The following ATP1B3 variants were observed in gnomAD, a reference collection of about 807,000 sequenced individuals.
ATP1B3 encodes the protein ATPase Na+/K+ transporting subunit beta 3.
In ATP1B3, 10 loss-of-function variants were observed where a neutral mutation model predicts 30.2. The ratio of observed to expected loss-of-function variants is 0.33; its 90% CI spans 0.20 to 0.56. ATP1B3 has a LOEUF of 0.56. ATP1B3 is among the 20% of genes least tolerant of loss of function. The probability of loss-of-function intolerance (pLI) is 0.90; values close to 1 mark genes in which losing one functional copy is unlikely to be tolerated. For missense variants in ATP1B3, 238 were observed against 336.7 expected, an observed-to-expected ratio of 0.71 and a Z score of 2.29; for synonymous variants, 113 against 117.0, an observed-to-expected ratio of 0.97 and a Z score of 0.22.
intron 1 of ATP1B3, among the ~76,000 whole-genome samples, chr3:141,888,342 GCA>G (rs1351146181): frequency 6.6e-6 from 1 of 151,888 alleles, no homozygotes; most frequent in Non-Finnish European, 1.5e-5. Context: ...CCTTTTTTCA[GCA>G]CCATTTTTAT....
intron 6 of ATP1B3, among the ~76,000 whole-genome samples, chr3:141,923,229 G>C (rs1411633164): frequency 6.6e-6 from 1 of 151,154 alleles, no homozygotes; most frequent in Non-Finnish European, 1.5e-5. Context: ...AGTGAGCCAA[G>C]ACTGCACCAT....
chr3:141,889,780 CA>C (rs1933906388), intron 1 of ATP1B3, among the ~76,000 whole-genome samples: 1 of 141,498 alleles, frequency 7.1e-6, no homozygotes, highest in African/African-American at 2.7e-5. Context: ...CACACACACA[CA>C]CACACACACA....
chr3:141,905,866 CTGAG>C (rs1305424798), intron 2 of ATP1B3, among the ~76,000 whole-genome samples: 2 of 151,920 alleles, frequency 1.3e-5, no homozygotes, highest in Non-Finnish European at 2.9e-5. Context: ...AGTTTTTAAA[CTGAG>C]TTTCTTAAAA....
chr3:141,919,763 A>G (rs1934534176), intron 5 of ATP1B3, among the ~76,000 whole-genome samples: 1 of 151,584 alleles, frequency 6.6e-6, no homozygotes, highest in Non-Finnish European at 1.5e-5. Context: ...ACATGGTGAA[A>G]CCCCATCTCT....
At chr3:141,902,302 GA>G in intron 1 of ATP1B3, 1 of 1,058,510 alleles carries the variant, frequency 9.4e-7, no homozygotes, top group Non-Finnish European at 1.3e-6. Context: ...CCCTTTACTT[GA>G]AAAAGGGGGT....
intron 1 of ATP1B3, among the ~76,000 whole-genome samples, chr3:141,897,889 T>C (rs1264536126): frequency 6.6e-6 from 1 of 152,166 alleles, no homozygotes; most frequent in African/African-American, 2.4e-5. Context: ...TTTGTAATTT[T>C]AGTAGAGACT....
chr3:141,898,219 C>G (rs565797266), intron 1 of ATP1B3, among the ~76,000 whole-genome samples: 1 of 152,222 alleles, frequency 6.6e-6, no homozygotes, highest in Non-Finnish European at 1.5e-5. Context: ...AGATATGCCA[C>G]CAAAAGCACA....
At chr3:141,921,106 A>G (rs1454741165) in intron 5 of ATP1B3, among the ~76,000 whole-genome samples, 2 of 152,072 alleles carry the variant, frequency 1.3e-5, no homozygotes, top group Non-Finnish European at 2.9e-5. Flanking sequence ...GTATTTAATA[A>G]TGTTTTATTT....
At chr3:141,889,505 G>A (rs374754343) in intron 1 of ATP1B3, among the ~76,000 whole-genome samples, 8 of 151,640 alleles carry the variant, frequency 5.3e-5, no homozygotes, top group African/African-American at 1.2e-4. Flanking sequence ...CGAGGCAGGC[G>A]GATCACCTGA....
At chr3:141,925,076 C>T (rs1230144156) in intron 6 of ATP1B3, among the ~76,000 whole-genome samples, 1 of 152,128 alleles carries the variant, frequency 6.6e-6, no homozygotes, top group Non-Finnish European at 1.5e-5. Context: ...CTGTCACACC[C>T]AGTCAACATT....
intron 4 of ATP1B3, among the ~76,000 whole-genome samples, chr3:141,915,179 G>T (rs996904903): frequency 6.6e-5 from 10 of 152,128 alleles, no homozygotes; most frequent in Non-Finnish European, 5.9e-5. Flanking sequence ...AATGATAATG[G>T]CCTGAGACCA....
chr3:141,877,607 C>T (rs1933629887), intron 1 of ATP1B3: 1 of 151,576 alleles, frequency 6.6e-6, no homozygotes, highest in Admixed American at 6.6e-5. Context: ...GGTTTTCTTC[C>T]TTACAAATTT....
At chr3:141,892,550 C>T (rs1343576664) in intron 1 of ATP1B3, among the ~76,000 whole-genome samples, 3 of 147,952 alleles carry the variant, frequency 2.0e-5, no homozygotes, top group African/African-American at 7.5e-5. Flanking sequence ...CCCAGCTACT[C>T]AGGAGACTGA....
chr3:141,910,179 C>T (rs998288553), intron 3 of ATP1B3, among the ~76,000 whole-genome samples: 2 of 152,018 alleles, frequency 1.3e-5, no homozygotes, highest in Non-Finnish European at 2.9e-5. Context: ...GCTATGTTGC[C>T]CAGGCTGGTC....
At chr3:141,923,998 A>G (rs1456264913) in intron 6 of ATP1B3, among the ~76,000 whole-genome samples, 1 of 152,196 alleles carries the variant, frequency 6.6e-6, no homozygotes, top group Non-Finnish European at 1.5e-5. Flanking sequence ...GGTTTCTACA[A>G]TATACTTTTT....
At chr3:141,877,088 G>A (rs572209352) in intron 1 of ATP1B3, among the ~76,000 whole-genome samples, 178 bp downstream of exon 1, 2 of 150,978 alleles carry the variant, frequency 1.3e-5, no homozygotes, top group Non-Finnish European at 3.0e-5. Context: ...CGGGCCGGCC[G>A]GACTGGCCGC....
At chr3:141,885,239 A>G (rs1271786074) in intron 1 of ATP1B3, among the ~76,000 whole-genome samples, 1 of 152,130 alleles carries the variant, frequency 6.6e-6, no homozygotes. Context: ...TAGTACTACA[A>G]TTATTTTAGG....
chr3:141,892,749 C>T (rs1482544044), intron 1 of ATP1B3, among the ~76,000 whole-genome samples: 1 of 150,920 alleles, frequency 6.6e-6, no homozygotes, highest in Non-Finnish European at 1.5e-5. Context: ...AAATCATTGG[C>T]TGCCTGGGGA....
intron 1 of ATP1B3, among the ~76,000 whole-genome samples, chr3:141,880,812 C>T (rs965588079): frequency 6.6e-6 from 1 of 152,040 alleles, no homozygotes; most frequent in Admixed American, 6.6e-5. Context: ...TCATAGGTGG[C>T]AAAATTAAAC....
Sources: gnomAD v4.1 joint callset for allele counts (sites outside exome capture counted in the v4.1 genomes callset) on GRCh38, gnomAD v4.1.1 for gene constraint, MANE v1.5 for transcripts, NCBI Gene and HGNC (gene_info 2026-07-23, HGNC 2026-07-21) for gene names.